Variants in NR1H2 observed in about 807,000 individuals in gnomAD.
NR1H2 encodes the protein nuclear receptor subfamily 1 group H member 2.
A neutral mutation model predicts 51.2 loss-of-function variants in NR1H2; 33 were observed. The observed-to-expected ratio is 0.64, with a 90% CI of 0.49 to 0.86. The LOEUF is 0.86. NR1H2 is among the 40% of genes least tolerant of loss of function. The probability of loss-of-function intolerance (pLI) is 0.00; values close to 1 mark genes in which losing one functional copy is unlikely to be tolerated. For synonymous variants in NR1H2, 310 were observed against 264.3 expected (o/e 1.17, Z -1.68); for missense variants, 592 against 639.9 (o/e 0.93, Z 0.81).
chr19:50,381,048 A>G (rs545673177), intron 8 of NR1H2, among the ~76,000 whole-genome samples: 28 of 151,326 alleles, frequency 1.9e-4, no homozygotes, highest in Non-Finnish European at 3.7e-4. Flanking sequence ...GGCCTCGCTC[A>G]CTCTCTGCCC....
rs536943664 is a variant in NR1H2 at position 50,378,480 on chromosome 19, G to A, written c.472+41G>A. 5.7e-6 allele frequency: 9 copies of A among 1,580,004 alleles called. No homozygotes were observed. The African/African-American group carries it at 8.1e-5, about 14-fold the overall frequency. Reference sequence around the variant, plus strand: ...GGGGGCGGTGCCGGCCTGGCCCCCCGCCTAGCCCTGGGGTTCTGCTGAGGC... The same window carrying A: ...GGGGGCGGTGCCGGCCTGGCCCCCCACCTAGCCCTGGGGTTCTGCTGAGGC... On this transcript the variant is annotated intron_variant, in intron 5 of 9. Coordinates refer to ENST00000253727, the MANE Select transcript of NR1H2 (RefSeq NM_007121.7).
chr19:50,382,492 G>C lies in NR1H2; in HGVS notation c.1273G>C (p.Val425Leu). 1 of 1,610,442 alleles carries C rather than the reference G, an allele frequency of 6.2e-7. No individual in the cohort carries two copies. The highest frequency in any genetic ancestry group is 1.3e-5 in the African/African-American group (1 of 75,026). The change falls in exon 10 of 10, where the codon GTG (valine) becomes CTG (leucine). Residue 425 changes from valine to leucine, a missense_variant. This residue lies in a region of NR1H2 where 174 missense variants were observed against 174.0 expected (regional missense o/e 1.00). Coordinates refer to ENST00000253727, the MANE Select transcript of NR1H2 (RefSeq NM_007121.7). Reference protein sequence around the residue: ...LRFPRMLMKLVSLRTLSSVHS... With the variant: ...LRFPRMLMKLLSLRTLSSVHS... ...CTTCCCGCGCATGCTCATGAAGCTG[G>C]TGAGCCTGCGCACGCTGAGCTCTGT...
chr19:50,379,450 G>C (rs2037729690), intron 7 of NR1H2, among the ~76,000 whole-genome samples: 1 of 152,194 alleles, frequency 6.6e-6, no homozygotes, highest in African/African-American at 2.4e-5. Context: ...TATAAGTATT[G>C]AGCACGTGCT....
chr19:50,378,850 C>T, intron 6 of NR1H2, 54 bp downstream of exon 6: 1 of 1,583,106 alleles, frequency 6.3e-7, no homozygotes, highest in Non-Finnish European at 8.6e-7. Flanking sequence ...GTAGAGCCAG[C>T]TGGGCCATCA....
Position 50,381,961 on chromosome 19 carries a change from C to G in NR1H2, c.1028-5C>G, listed in dbSNP as rs375310408. The G allele has an allele frequency of 1.2e-5, 18 of 1,551,026 alleles. No individual in the cohort carries two copies. The Admixed American group carries it at 2.7e-4, about 24-fold the overall frequency. On this transcript the variant is annotated splice_polypyrimidine_tract_variant and splice_region_variant and intron_variant, in intron 8 of 9. Coordinates refer to ENST00000253727, the MANE Select transcript of NR1H2 (RefSeq NM_007121.7). ...GGGAGTCACGGGCTGCCTCCCGCCC[C>G]GCAGGCCTGCAGGTGGAGTTCATCA...
intron 8 of NR1H2, among the ~76,000 whole-genome samples, chr19:50,380,405 C>T (rs1308270508): frequency 6.6e-6 from 1 of 151,948 alleles, no homozygotes; most frequent in African/African-American, 2.4e-5. Context: ...CGCTAACCTG[C>T]GTGGGTGGGC....
At chr19:50,382,264 C>T (rs948099012) in intron 9 of NR1H2, 90 bp downstream of exon 9, 10 of 1,363,092 alleles carry the variant, frequency 7.3e-6, no homozygotes, top group Non-Finnish European at 9.8e-6. Context: ...CCACACTGCC[C>T]TCCCCTCCGC....
At chr19:50,379,289 G>A in intron 7 of NR1H2, 108 bp downstream of exon 7, 1 of 1,192,894 alleles carries the variant, frequency 8.4e-7, no homozygotes, top group Non-Finnish European at 1.2e-6. Context: ...ACATTCCACG[G>A]CGAATAGAGT....
chr19:50,377,230 A>C, intron 2 of NR1H2: 3 of 230,286 alleles, frequency 1.3e-5, no homozygotes, highest in Non-Finnish European at 2.5e-5. Context: ...GAAGTGAGGT[A>C]GAGTCTTAAG....
rs567408300 is a variant in NR1H2 at position 50,382,613 on chromosome 19, A to C, written c.*11A>C. ...GACGTCCACGAGTGAGGGGCTGGCC[A>C]CCCAGCCCCACAGCCTTGCCTGACC... On this transcript the variant is annotated 3_prime_UTR_variant, in exon 10 of 10. Coordinates refer to ENST00000253727, the MANE Select transcript of NR1H2 (RefSeq NM_007121.7). 11 of 1,546,810 alleles carry C rather than the reference A, an allele frequency of 7.1e-6. No homozygotes were observed. Among genetic ancestry groups the C allele is most frequent in the Non-Finnish European group, 9.6e-6 (11 of 1,149,254 alleles).
intron 6 of NR1H2, 79 bp downstream of exon 6, chr19:50,378,875 G>T: frequency 6.4e-7 from 1 of 1,567,000 alleles, no homozygotes; most frequent in South Asian, 1.2e-5. Flanking sequence ...GGGTGTGGGA[G>T]AATGAGGCTC....
chr19:50,377,984 C>G lies in NR1H2; in HGVS notation c.181+114C>G, dbSNP rs1257528532. 6.2e-6 allele frequency: 9 copies of G among 1,440,396 alleles called. No individual in the cohort carries two copies. In the Admixed American group the frequency reaches 2.1e-4, roughly 33 times the overall value. 89.2% of individuals were successfully genotyped at this position (1,440,396 alleles called of 1,614,324 possible). A position where few individuals can be genotyped will look rare whatever the true frequency, so the allele number is the denominator to read the frequency against. On this transcript the variant is annotated intron_variant, in intron 4 of 9. Transcript: ENST00000253727. ...TCTTTGCTTTTTGTTCTTGCTTTCT[C>G]CTTAACATATACATCTTTCTAAATT...
At position 50,380,910 on chromosome 19, in the gene NR1H2, G is replaced by A. The variant is rs1282057851; in HGVS notation, c.1027+1031G>A. 3.9e-5 allele frequency among the ~76,000 whole-genome samples: 6 copies of A among 152,332 alleles called. No homozygotes were observed. In the East Asian group the frequency reaches 1.2e-3, roughly 29 times the overall value. On this transcript the variant is annotated intron_variant, in intron 8 of 9. Transcript: ENST00000253727. ...GCCTGATGGGGCTGCTCACAGCACAGGCAGAAGGGTCCTGTCAGCACTTAA... is the reference window on the plus strand; with the variant it reads ...GCCTGATGGGGCTGCTCACAGCACAAGCAGAAGGGTCCTGTCAGCACTTAA...
rs2037779792 is a variant in NR1H2 at position 50,382,150 on chromosome 19, C to T, written c.1212C>T (p.Ser404=). 6.5e-7 allele frequency: 1 copy of T among 1,537,832 alleles called. No homozygotes were observed. Among genetic ancestry groups the T allele is most frequent in the Non-Finnish European group, 8.7e-7 (1 of 1,145,218 alleles). Residue 404 remains serine, a synonymous_variant, in exon 9 of 10, where the codon TCC becomes TCT. Coordinates refer to ENST00000253727, the MANE Select transcript of NR1H2 (RefSeq NM_007121.7). Reference sequence around the variant, plus strand: ...AGCCCTACGTGGAGGCGCTGCTGTCCTACACGCGCATCAAGAGGCCGCAGG... The same window carrying T: ...AGCCCTACGTGGAGGCGCTGCTGTCTTACACGCGCATCAAGAGGCCGCAGG... ...LQQPYVEALL[S]YTRIKRPQDQ...
intron 8 of NR1H2, among the ~76,000 whole-genome samples, chr19:50,380,380 C>A (rs190340139): frequency 6.6e-6 from 1 of 152,254 alleles, no homozygotes; most frequent in African/African-American, 2.4e-5. Context: ...AGCACTGCTT[C>A]CTGCCCTCTG....
chr19:50,379,333 T>C, intron 7 of NR1H2, 152 bp downstream of exon 7: 1 of 961,652 alleles, frequency 1.0e-6, no homozygotes, highest in Non-Finnish European at 1.5e-6. Context: ...GGAAAAAGGG[T>C]CTGAGGCTGA....
chr19:50,380,220 A>G (rs1292167940), intron 8 of NR1H2, among the ~76,000 whole-genome samples: 1 of 152,094 alleles, frequency 6.6e-6, no homozygotes, highest in Non-Finnish European at 1.5e-5. Flanking sequence ...GTGGAAGTTG[A>G]GATGGGAGGA....
intron 8 of NR1H2, among the ~76,000 whole-genome samples, chr19:50,381,610 G>A (rs1012330328): frequency 6.6e-6 from 1 of 152,214 alleles, no homozygotes; most frequent in African/African-American, 2.4e-5. Context: ...GCCAGCGCTG[G>A]GACCAGCACG....
intron 4 of NR1H2, 81 bp downstream of exon 4, chr19:50,377,951 G>A: frequency 1.4e-6 from 2 of 1,480,724 alleles, no homozygotes; most frequent in African/African-American, 1.4e-5. Flanking sequence ...GGGAATGGGA[G>A]GCCCTGATCT....
Sources: allele counts gnomAD v4.1 joint callset (sites outside exome capture counted in the v4.1 genomes callset), GRCh38; gene constraint gnomAD v4.1.1; regional missense constraint gnomAD v4.1.1; transcripts MANE v1.5; gene names NCBI Gene and HGNC (gene_info 2026-07-23, HGNC 2026-07-21).